GALNTL6: variants seen among roughly 807,000 people sequenced by gnomAD.
GALNTL6 encodes the protein polypeptide N-acetylgalactosaminyltransferase like 6, also known as polypeptide N-acetylgalactosaminyltransferase-like 6.
GALNTL6 carries 46 observed loss-of-function variants against 73.7 expected under a neutral mutation model. That is an observed-to-expected ratio of 0.62 (90% CI 0.49 to 0.80). The LOEUF (loss-of-function observed/expected upper bound fraction) is 0.80, where lower values mean the gene tolerates loss of function less well. GALNTL6 is among the 30% of genes least tolerant of loss of function. The pLI is 0.00. For synonymous variants in GALNTL6, 259 were observed against 263.7 expected, an observed-to-expected ratio of 0.98 and a Z score of 0.17; for missense variants, 604 against 755.0, an observed-to-expected ratio of 0.80 and a Z score of 2.34.
At chr4:171,856,089 T>TTTG (rs1373862665) in intron 2 of GALNTL6, among the ~76,000 whole-genome samples, 6 of 152,070 alleles carry the variant, frequency 3.9e-5, no homozygotes, top group South Asian at 2.1e-4. Context: ...ACAGAACAGA[T>TTTG]TTGTTGTTGT....
chr4:171,892,449 C>A (rs1736789376), intron 2 of GALNTL6, among the ~76,000 whole-genome samples: 2 of 152,134 alleles, frequency 1.3e-5, no homozygotes, highest in Non-Finnish European at 2.9e-5. Context: ...AAGTAAATAT[C>A]CCTTACAAAT....
In GALNTL6 at chr4:172,268,592, C is replaced by T. The variant is rs551405058; in HGVS notation, c.247+38828C>T. On this transcript the variant is annotated intron_variant, in intron 3 of 12. Transcript: ENST00000506823. ...GCTGAGTGCTCTCTGTAGCTAATAC[C>T]TTTCGCAGTTGGGGAAACAAATCTG... Among the ~76,000 whole-genome samples, 8 of 152,300 alleles carry T rather than the reference C, an allele frequency of 5.3e-5. No individual in the cohort carries two copies. In the East Asian group the frequency reaches 1.5e-3, roughly 29 times the overall value.
intron 2 of GALNTL6, chr4:171,815,490 A>G (rs1459162686): frequency 6.6e-6 from 1 of 152,264 alleles, no homozygotes; most frequent in Non-Finnish European, 1.5e-5. Context: ...ACAATAATGC[A>G]AAATAGACTT....
chr4:172,284,211 A>C (rs1011909215), intron 3 of GALNTL6, among the ~76,000 whole-genome samples: 2 of 152,244 alleles, frequency 1.3e-5, no homozygotes, highest in Non-Finnish European at 2.9e-5. Flanking sequence ...AGTGCAATTA[A>C]TCTTTTACAA....
At chr4:172,495,600 G>A (rs1282875376) in intron 5 of GALNTL6, among the ~76,000 whole-genome samples, 1 of 152,158 alleles carries the variant, frequency 6.6e-6, no homozygotes, top group Non-Finnish European at 1.5e-5. Flanking sequence ...ATACTATACG[G>A]TTCTGCTGCT....
chr4:172,582,997 G>GACT (rs34643449), intron 5 of GALNTL6, among the ~76,000 whole-genome samples: 1 of 152,026 alleles, frequency 6.6e-6, no homozygotes, highest in Non-Finnish European at 1.5e-5. Flanking sequence ...AAAGTACAGG[G>GACT]ACTACATCAA....
At position 172,514,553 on chromosome 4, in the gene GALNTL6, A is replaced by G. The variant is rs191095112; in HGVS notation, c.553+165864A>G. ...GCTTTCAGCTTCACCTCTCCCTACTATGGCTTCTGTGCTCATATCTGCACT... is the reference window on the plus strand; with the variant it reads ...GCTTTCAGCTTCACCTCTCCCTACTGTGGCTTCTGTGCTCATATCTGCACT... On this transcript the variant is annotated intron_variant, in intron 5 of 12. Transcript: ENST00000506823. Among the ~76,000 whole-genome samples, 392 of 152,124 alleles carry G rather than the reference A, an allele frequency of 2.6e-3. 1 individual carries two copies. Among genetic ancestry groups the G allele is most frequent in the Non-Finnish European group, 3.2e-3 (219 of 67,974 alleles).
chr4:171,842,585 T>A (rs919692235), intron 2 of GALNTL6, among the ~76,000 whole-genome samples: 1 of 152,042 alleles, frequency 6.6e-6, no homozygotes, highest in African/African-American at 2.4e-5. Flanking sequence ...CTTACAGTCA[T>A]GGTGGAAGAG....
chr4:172,235,207 C>T (rs1737200870), intron 3 of GALNTL6, among the ~76,000 whole-genome samples: 1 of 151,430 alleles, frequency 6.6e-6, no homozygotes, highest in Admixed American at 6.6e-5. Flanking sequence ...AAATTTGTCA[C>T]TTTTTTGTTT....
At chr4:172,773,600 CAAA>C (rs11382532) in intron 5 of GALNTL6, among the ~76,000 whole-genome samples, 1 of 145,702 alleles carries the variant, frequency 6.9e-6, no homozygotes, top group South Asian at 2.1e-4. Context: ...ATTCAGTGAC[CAAA>C]AAAAAAAACC....
In GALNTL6 at chr4:172,196,941, G is replaced by A. The variant is rs548201443; in HGVS notation, c.139-32715G>A. ...CATAGTATTGGAACTTCCCGCCAGG[G>A]GAATCAGGCAAGAGAAAGAAGTAAA... On this transcript the variant is annotated intron_variant, in intron 2 of 12. Coordinates refer to ENST00000506823, the MANE Select transcript of GALNTL6 (RefSeq NM_001034845.3). Among the ~76,000 whole-genome samples, 5 of 152,200 alleles carry A rather than the reference G, an allele frequency of 3.3e-5. No homozygotes were observed. In the South Asian group the frequency reaches 8.3e-4, roughly 25 times the overall value.
intron 2 of GALNTL6, among the ~76,000 whole-genome samples, chr4:172,042,095 T>C (rs1355156275): frequency 6.6e-6 from 1 of 152,058 alleles, no homozygotes; most frequent in Non-Finnish European, 1.5e-5. Context: ...ATTCAATTAA[T>C]AGCACTGATA....
chr4:172,347,885 C>T (rs746888701), intron 4 of GALNTL6, among the ~76,000 whole-genome samples: 3 of 151,972 alleles, frequency 2.0e-5, no homozygotes, highest in Non-Finnish European at 2.9e-5. Flanking sequence ...ATGGTTCCAA[C>T]AATGAAAAAA....
chr4:172,067,987 C>A lies in GALNTL6; in HGVS notation c.139-161669C>A, dbSNP rs888665060. On this transcript the variant is annotated intron_variant, in intron 2 of 12. Coordinates refer to ENST00000506823, the MANE Select transcript of GALNTL6 (RefSeq NM_001034845.3). ...GGGTGGGGGTGTTAGTATGGTAATG[C>A]TGAGTTCACCAAAGTTTATCTCCAA... Among the ~76,000 whole-genome samples, 13 of 109,450 alleles carry A rather than the reference C, an allele frequency of 1.2e-4. No individual in the cohort carries two copies. In the East Asian group the frequency reaches 2.8e-3, roughly 23 times the overall value. The allele number at this position is 109,450 out of a possible 152,430, so 71.8% of individuals were successfully genotyped here.
intron 3 of GALNTL6, among the ~76,000 whole-genome samples, chr4:172,299,499 G>A (rs1739823557): frequency 6.6e-6 from 1 of 152,026 alleles, no homozygotes. Context: ...TCTCTTGTGG[G>A]CATTTAGTGC....
chr4:172,522,668 C>A lies in GALNTL6; in HGVS notation c.553+173979C>A, dbSNP rs1037465667. Among the ~76,000 whole-genome samples, 85 of 28,896 alleles carry A rather than the reference C, an allele frequency of 2.9e-3. 1 individual carries two copies. In the South Asian group the frequency reaches 0.033, roughly 11 times the overall value. 19.0% of individuals were successfully genotyped at this position (28,896 alleles called of 152,430 possible). On this transcript the variant is annotated intron_variant, in intron 5 of 12. Transcript: ENST00000506823. ...CTGGGTAACGAGTGAAACTCAGTCC[C>A]CCCCCCCCCCAAAAAAAAAGTGTAT...
At chr4:172,228,011 C>T (rs1280167864) in intron 2 of GALNTL6, among the ~76,000 whole-genome samples, 1 of 152,068 alleles carries the variant, frequency 6.6e-6, no homozygotes, top group Non-Finnish European at 1.5e-5. Flanking sequence ...GTGTTCAGTA[C>T]TTATCACTGT....
chr4:172,947,023 C>A (rs1465540935), intron 9 of GALNTL6, among the ~76,000 whole-genome samples: 1 of 152,108 alleles, frequency 6.6e-6, no homozygotes, highest in Non-Finnish European at 1.5e-5. Flanking sequence ...TGAGCAGAAC[C>A]ATGGCAGGAA....
rs138889942 is a variant in GALNTL6 at position 172,879,467 on chromosome 4, G to A, written c.924-3323G>A. Among the ~76,000 whole-genome samples, 413 of 151,840 alleles carry A rather than the reference G, an allele frequency of 2.7e-3. 5 individuals carry two copies. Among genetic ancestry groups the A allele is most frequent in the African/African-American group, 7.8e-3 (323 of 41,498 alleles). The stretch of plus-strand genomic sequence containing the variant: ...GGAATTAAATTGGAAATTAATAACC[G>A]AAGGATCTCCAAAAAATTCCCCAAA... On this transcript the variant is annotated intron_variant, in intron 7 of 12. Coordinates refer to ENST00000506823, the MANE Select transcript of GALNTL6 (RefSeq NM_001034845.3).
Sources: allele counts gnomAD v4.1 joint callset (sites outside exome capture counted in the v4.1 genomes callset), GRCh38; gene constraint gnomAD v4.1.1; transcripts MANE v1.5; gene names NCBI Gene and HGNC (gene_info 2026-07-23, HGNC 2026-07-21).